The following PRKG2 variants were observed in gnomAD, a reference collection of about 807,000 sequenced individuals.
PRKG2 encodes cGMP-dependent protein kinase 2.
PRKG2 carries 33 observed loss-of-function variants against 97.2 expected under a neutral mutation model. The ratio of observed to expected loss-of-function variants is 0.34; its 90% CI spans 0.26 to 0.45. PRKG2 has a LOEUF of 0.45. Among genes scored for constraint, PRKG2 ranks in the 20% least tolerant of loss-of-function variants. The pLI is 1.00. For synonymous variants in PRKG2, 330 were observed against 321.8 expected, an observed-to-expected ratio of 1.03 and a Z score of -0.27; for missense variants, 638 against 900.0, an observed-to-expected ratio of 0.71 and a Z score of 3.73.
intron 6 of PRKG2, among the ~76,000 whole-genome samples, chr4:81,158,416 G>A (rs1281013428): frequency 3.5e-5 from 5 of 144,526 alleles, no homozygotes; most frequent in Non-Finnish European, 7.4e-5. Flanking sequence ...AACCTTCAAG[G>A]AGAACTACAA....
At chr4:81,142,647 G>A (rs768444588) in intron 11 of PRKG2, 147 bp downstream of exon 11, 76 of 1,032,768 alleles carry the variant, frequency 7.4e-5, no homozygotes, top group Middle Eastern at 3.5e-4. Context: ...AATATACAGA[G>A]TGAAAAGTTT....
At chr4:81,202,857 T>C (rs576684188) in intron 2 of PRKG2, among the ~76,000 whole-genome samples, 1 of 152,246 alleles carries the variant, frequency 6.6e-6, no homozygotes, top group South Asian at 2.1e-4. Context: ...GCATAAGTCT[T>C]TGAACAAAGT....
At chr4:81,103,766 C>T (rs1265612741) in intron 17 of PRKG2, among the ~76,000 whole-genome samples, 2 of 152,128 alleles carry the variant, frequency 1.3e-5, no homozygotes, top group Non-Finnish European at 2.9e-5. Flanking sequence ...GGCATGGTGG[C>T]TTGTGCCTAT....
intron 2 of PRKG2, among the ~76,000 whole-genome samples, chr4:81,199,830 T>C (rs778437014): frequency 1.3e-5 from 2 of 152,224 alleles, no homozygotes; most frequent in Non-Finnish European, 2.9e-5. Context: ...TATGACTCAC[T>C]AGCATTTTCT....
At chr4:81,110,025 G>A (rs1268826745) in intron 15 of PRKG2, among the ~76,000 whole-genome samples, 1 of 152,130 alleles carries the variant, frequency 6.6e-6, no homozygotes, top group Non-Finnish European at 1.5e-5. Flanking sequence ...TGATATGTTG[G>A]GAAGATGGAT....
chr4:81,165,857 G>C (rs1363537559), intron 6 of PRKG2, among the ~76,000 whole-genome samples: 1 of 151,688 alleles, frequency 6.6e-6, no homozygotes, highest in Non-Finnish European at 1.5e-5. Context: ...CATATTTGCT[G>C]TCAACATAGA....
At chr4:81,091,048 A>T (rs892973402) in intron 18 of PRKG2, among the ~76,000 whole-genome samples, 1 of 152,200 alleles carries the variant, frequency 6.6e-6, no homozygotes, top group Non-Finnish European at 1.5e-5. Flanking sequence ...TAAATCTAAA[A>T]TTCGAAGGCA....
intron 12 of PRKG2, among the ~76,000 whole-genome samples, chr4:81,140,158 T>C (rs920769990): frequency 3.3e-5 from 5 of 151,978 alleles, no homozygotes; most frequent in African/African-American, 1.2e-4. Context: ...CTGGGAAAGG[T>C]AGTGGGGAGA....
chr4:81,153,818 C>T, intron 6 of PRKG2, 97 bp from the exon 7 acceptor site: 1 of 823,514 alleles, frequency 1.2e-6, no homozygotes, highest in Non-Finnish European at 2.0e-6. Flanking sequence ...GTGAGCGGCG[C>T]AGAAGACGGG....
chr4:81,165,569 C>T (rs199969029), intron 6 of PRKG2, among the ~76,000 whole-genome samples: 16,559 of 152,092 alleles, frequency 0.11, 1,084 homozygotes, highest in Middle Eastern at 0.21. Context: ...CCATTACTCT[C>T]GTTAATCACT....
rs541859899 is a variant in PRKG2 at position 81,211,119 on chromosome 4, C to T, written c.-14+3817G>A. On this transcript the variant is annotated intron_variant, in intron 1 of 18. Transcript: ENST00000264399. ...TTCAATATGATACTGTAATGATATA[C>T]ACATTTCATTATATATTTGTCAAAA... Among the ~76,000 whole-genome samples the T allele has an allele frequency of 9.5e-4, 145 of 152,156 alleles. 2 individuals are homozygous for T. Among genetic ancestry groups the T allele is most frequent in the Non-Finnish European group, 4.3e-4 (29 of 67,982 alleles).
In PRKG2 at chr4:81,144,523, T is replaced by C. The variant is rs111407744; in HGVS notation, c.1155-193A>G. 0.084 allele frequency among the ~76,000 whole-genome samples: 12,749 copies of C among 151,596 alleles called. 1,827 individuals are homozygous for C. The highest frequency in any genetic ancestry group is 0.29 in the African/African-American group (11,995 of 41,298). ...AAGCTATATATAATTGATCCTTTGA[T>C]TTTATAAAAGCAAAGGGGCTATTAA... On this transcript the variant is annotated intron_variant, in intron 9 of 18. Coordinates refer to ENST00000264399, the MANE Select transcript of PRKG2 (RefSeq NM_006259.3).
chr4:81,151,921 C>T, intron 8 of PRKG2, 39 bp downstream of exon 8: 2 of 1,471,672 alleles, frequency 1.4e-6, no homozygotes, highest in South Asian at 1.2e-5. Context: ...ATAGTCGAAG[C>T]ATTTTATCCA....
chr4:81,177,330 A>G (rs1751020034), intron 2 of PRKG2, among the ~76,000 whole-genome samples: 1 of 152,228 alleles, frequency 6.6e-6, no homozygotes, highest in Non-Finnish European at 1.5e-5. Flanking sequence ...GACATATTGT[A>G]ATAGTCTCTA....
At chr4:81,112,768 T>C (rs1359219813) in intron 14 of PRKG2, among the ~76,000 whole-genome samples, 2 of 152,206 alleles carry the variant, frequency 1.3e-5, no homozygotes, top group African/African-American at 2.4e-5. Flanking sequence ...GTGCCTAATA[T>C]AGAAGGCCCC....
intron 14 of PRKG2, among the ~76,000 whole-genome samples, chr4:81,129,763 C>T (rs959939527): frequency 6.6e-5 from 10 of 152,144 alleles, no homozygotes; most frequent in African/African-American, 1.9e-4. Context: ...AAACAGCACA[C>T]CGATGCATCT....
rs761110678 is a variant in PRKG2, at chr4:81,151,944, T to C, written c.1085+16A>G. Reference sequence around the variant, plus strand: ...AGCATTTTATCCAAAGTATGGCATATAATTCATGAATTCACCTGATAAGAG... The same window carrying C: ...AGCATTTTATCCAAAGTATGGCATACAATTCATGAATTCACCTGATAAGAG... On this transcript the variant is annotated intron_variant, in intron 8 of 18. Transcript: ENST00000264399. The C allele has an allele frequency of 1.7e-5, 27 of 1,567,288 alleles. No homozygotes were observed. Among genetic ancestry groups the C allele is most frequent in the Middle Eastern group, 3.4e-4 (2 of 5,956 alleles).
chr4:81,209,832 C>T (rs367936386), intron 1 of PRKG2, among the ~76,000 whole-genome samples: 6 of 151,766 alleles, frequency 4.0e-5, no homozygotes, highest in Admixed American at 1.3e-4. Context: ...AATAAAGTAA[C>T]GGTAATCAAT....
chr4:81,173,798 C>G (rs1378128908), intron 3 of PRKG2: 1 of 151,936 alleles, frequency 6.6e-6, no homozygotes, highest in Non-Finnish European at 1.5e-5. Flanking sequence ...CCCAAAGGAA[C>G]AAGAATAAAA....
Sources: gnomAD v4.1 joint callset for allele counts (sites outside exome capture counted in the v4.1 genomes callset) on GRCh38, gnomAD v4.1.1 for gene constraint, MANE v1.5 for transcripts, NCBI Gene and HGNC (gene_info 2026-07-23, HGNC 2026-07-21) for gene names.